The following BTBD8 variants were observed in gnomAD, a reference collection of about 807,000 sequenced individuals.
BTBD8 encodes BTB/POZ domain-containing protein 8.
In BTBD8, 110 loss-of-function variants were observed where a neutral mutation model predicts 162.9. The ratio of observed to expected loss-of-function variants is 0.68; its 90% CI spans 0.58 to 0.79. The LOEUF (loss-of-function observed/expected upper bound fraction) is 0.79, where lower values mean the gene tolerates loss of function less well. BTBD8 is among the 30% of genes least tolerant of loss of function. BTBD8 has a pLI of 0.00. For missense variants in BTBD8, 1,905 were observed against 2,085.4 expected, an observed-to-expected ratio of 0.91 and a Z score of 1.68; for synonymous variants, 667 against 716.1, an observed-to-expected ratio of 0.93 and a Z score of 1.10.
chr1:92,147,189 AG>A lies in BTBD8; in HGVS notation c.941del (p.Arg314LysfsTer3). On this transcript the variant is annotated frameshift_variant, in exon 8 of 18. Transcript: ENST00000636805. LOFTEE classifies it high-confidence loss of function. Reference sequence around the variant, plus strand: ...TTTCCATCAATTTTAGCCTGTTCCCAGAACATTGACGTCTATACTAGAATGC... The same window carrying A: ...TTTCCATCAATTTTAGCCTGTTCCCAAACATTGACGTCTATACTAGAATGC... ...YCNFFQKPVPRTLTSILECLI... is the reference protein window; with the variant it reads ...YCNFFQKPVPXTLTSILECLI... The A allele has an allele frequency of 6.2e-7, 1 of 1,605,040 alleles. No individual in the cohort carries two copies. Among genetic ancestry groups the A allele is most frequent in the Non-Finnish European group, 8.5e-7 (1 of 1,176,160 alleles).
At chr1:92,177,685 A>T (rs1391206900) in intron 14 of BTBD8, 126 bp from the exon 15 acceptor site, 1 of 832,252 alleles carries the variant, frequency 1.2e-6, no homozygotes, top group African/African-American at 1.7e-5. Flanking sequence ...TTATGCAAAC[A>T]GAGAAAATGG....
At chr1:92,085,752 G>A (rs1373735136) in intron 1 of BTBD8, among the ~76,000 whole-genome samples, 1 of 152,168 alleles carries the variant, frequency 6.6e-6, no homozygotes, top group Non-Finnish European at 1.5e-5. Context: ...TTACAGGCTA[G>A]GCAGGTGGCT....
intron 11 of BTBD8, among the ~76,000 whole-genome samples, chr1:92,168,582 A>C (rs1220249841): frequency 1.3e-5 from 2 of 152,182 alleles, no homozygotes; most frequent in Non-Finnish European, 2.9e-5. Flanking sequence ...TGACCTTGTA[A>C]TGTCATAGTT....
chr1:92,107,462 G>T (rs1279886547), intron 3 of BTBD8, among the ~76,000 whole-genome samples: 6 of 152,080 alleles, frequency 3.9e-5, no homozygotes, highest in Non-Finnish European at 8.8e-5. Flanking sequence ...TGTTACAGTT[G>T]CCAACACTAT....
intron 2 of BTBD8, among the ~76,000 whole-genome samples, chr1:92,101,923 CCTG>C (rs1557440254): frequency 6.6e-6 from 1 of 152,162 alleles, no homozygotes; most frequent in African/African-American, 2.4e-5. Flanking sequence ...CTCTTGAACT[CCTG>C]AGCTCAAGCA....
intron 4 of BTBD8, among the ~76,000 whole-genome samples, chr1:92,124,167 A>G (rs1460430754): frequency 6.6e-6 from 1 of 152,224 alleles, no homozygotes; most frequent in Non-Finnish European, 1.5e-5. Context: ...TACCTCAAAT[A>G]CTTGGGTGGC....
chr1:92,086,388 T>G (rs1235105898), intron 1 of BTBD8, among the ~76,000 whole-genome samples: 2 of 152,084 alleles, frequency 1.3e-5, no homozygotes, highest in East Asian at 3.9e-4. Flanking sequence ...TGCCTCAGCG[T>G]TTTTCCCAAC....
In BTBD8 at chr1:92,181,955, A is replaced by G. The variant is rs1255657290; in HGVS notation, c.4272A>G (p.Glu1424=). ...CTTTTGAAGATGCAACTGAAAATGAATGTCGTGAATTTTCTGCAACTAAAA... is the reference window on the plus strand; with the variant it reads ...CTTTTGAAGATGCAACTGAAAATGAGTGTCGTGAATTTTCTGCAACTAAAA... The part of the protein sequence containing the change: ...NLAFEDATEN[E]CREFSATKKF... Residue 1424 remains glutamate, a synonymous_variant, in exon 17 of 18, where the codon GAA becomes GAG. Coordinates refer to ENST00000636805, the MANE Select transcript of BTBD8 (RefSeq NM_001376131.1). The G allele has an allele frequency of 1.9e-6, 3 of 1,551,550 alleles. No homozygotes were observed. Among genetic ancestry groups the G allele is most frequent in the African/African-American group, 1.4e-5 (1 of 73,064 alleles).
intron 2 of BTBD8, among the ~76,000 whole-genome samples, chr1:92,091,535 T>C (rs992886832): frequency 6.6e-6 from 1 of 151,470 alleles, no homozygotes; most frequent in Admixed American, 6.6e-5. Flanking sequence ...GGCTGGTCTC[T>C]CTTTTTTTTT....
At chr1:92,092,617 G>A (rs1204782231) in intron 2 of BTBD8, among the ~76,000 whole-genome samples, 1 of 152,168 alleles carries the variant, frequency 6.6e-6, no homozygotes, top group South Asian at 2.1e-4. Context: ...CATTATGGCA[G>A]TGTAAGTTAA....
At chr1:92,104,746 A>C (rs747709764) in intron 3 of BTBD8, among the ~76,000 whole-genome samples, 1 of 152,054 alleles carries the variant, frequency 6.6e-6, no homozygotes, top group Non-Finnish European at 1.5e-5. Context: ...TCATACTGTT[A>C]ATACTGCCCT....
At chr1:92,147,854 T>C in intron 9 of BTBD8, 68 bp downstream of exon 9, 1 of 1,278,080 alleles carries the variant, frequency 7.8e-7, no homozygotes, top group Non-Finnish European at 1.1e-6. Context: ...TGTATAGTAC[T>C]TTCAGTGGTT....
chr1:92,181,599 A>G lies in BTBD8; in HGVS notation c.3916A>G (p.Thr1306Ala). The G allele has an allele frequency of 1.3e-6, 2 of 1,551,414 alleles. No homozygotes were observed. The highest frequency in any genetic ancestry group is 1.7e-6 in the Non-Finnish European group (2 of 1,146,766). The change falls in exon 17 of 18, where the codon ACT becomes GCT. Residue 1306 changes from threonine to alanine, a missense_variant. By Grantham distance (58) the Thr-to-Ala change is moderately conservative. Coordinates refer to ENST00000636805, the MANE Select transcript of BTBD8 (RefSeq NM_001376131.1). ...TGGAAGAAGTAGCAGTGATACCAGT[A>G]CTCCTGAAGAATTAAAAATTTATGA... The part of the protein sequence containing the change: ...FLGRSSSDTS[T>A]PEELKIYDSN...
chr1:92,152,726 C>G (rs1306587277), intron 9 of BTBD8, among the ~76,000 whole-genome samples: 4 of 151,998 alleles, frequency 2.6e-5, no homozygotes, highest in Non-Finnish European at 5.9e-5. Flanking sequence ...CAAACTATGC[C>G]TCTCCCAATG....
intron 10 of BTBD8, 78 bp downstream of exon 10, chr1:92,167,218 C>A: frequency 6.7e-7 from 1 of 1,486,344 alleles, no homozygotes; most frequent in Non-Finnish European, 9.0e-7. Flanking sequence ...CTTTTAAATG[C>A]AGGTTGCTTT....
intron 2 of BTBD8, among the ~76,000 whole-genome samples, chr1:92,095,055 C>T (rs890536704): frequency 6.6e-6 from 1 of 152,144 alleles, no homozygotes; most frequent in Non-Finnish European, 1.5e-5. Context: ...AAAAGACTGC[C>T]CCTCCCAGGT....
At chr1:92,089,043 G>C (rs1446287958) in intron 2 of BTBD8, 148 bp downstream of exon 2, 11 of 731,926 alleles carry the variant, frequency 1.5e-5, no homozygotes, top group Non-Finnish European at 2.4e-5. Flanking sequence ...AGTAATTAGT[G>C]TTGACAGAGG....
intron 4 of BTBD8, among the ~76,000 whole-genome samples, chr1:92,127,119 C>G (rs1649380056): frequency 6.6e-6 from 1 of 152,122 alleles, no homozygotes; most frequent in South Asian, 2.1e-4. Flanking sequence ...CGTTTTCCCT[C>G]CAGTTCTGAA....
At chr1:92,147,649 A>T in intron 8 of BTBD8, 35 bp from the exon 9 acceptor site, 1 of 1,521,228 alleles carries the variant, frequency 6.6e-7, no homozygotes, top group Non-Finnish European at 9.0e-7. Context: ...AAAACATCTT[A>T]ATTTCTTTAA....
Sources: allele counts gnomAD v4.1 joint callset (sites outside exome capture counted in the v4.1 genomes callset), GRCh38; gene constraint gnomAD v4.1.1; transcripts MANE v1.5; gene names NCBI Gene and HGNC (gene_info 2026-07-23, HGNC 2026-07-21).